The following PLCH1 variants were observed in gnomAD, a reference collection of about 807,000 sequenced individuals.
PLCH1 encodes the protein phospholipase C eta 1, also known as 1-phosphatidylinositol 4,5-bisphosphate phosphodiesterase eta-1.
Under a neutral mutation model 126.7 loss-of-function variants are expected in PLCH1, and 60 were observed. That is an observed-to-expected ratio of 0.47 (90% CI 0.38 to 0.59). The LOEUF (loss-of-function observed/expected upper bound fraction) is 0.59. Ranked by LOEUF, PLCH1 falls within the 20% of genes least tolerant of loss-of-function variation. The pLI is 0.00. For missense variants in PLCH1, 1,723 were observed against 2,040.0 expected (o/e 0.84, Z 2.99); for synonymous variants, 719 against 734.9 (o/e 0.98, Z 0.35).
chr3:155,600,319 G>A (rs1369949859), intron 2 of PLCH1, among the ~76,000 whole-genome samples: 3 of 152,084 alleles, frequency 2.0e-5, no homozygotes, highest in Non-Finnish European at 2.9e-5. Context: ...TTCCTATTCT[G>A]CCTCCAACAG....
chr3:155,704,067 G>T, intron 2 of PLCH1, 79 bp downstream of exon 2: 1 of 525,010 alleles, frequency 1.9e-6, no homozygotes, highest in Non-Finnish European at 2.9e-6. Flanking sequence ...TACCATATTT[G>T]CATCTAGAGT....
chr3:155,548,863 T>C (rs925428909), intron 10 of PLCH1, among the ~76,000 whole-genome samples: 1 of 152,212 alleles, frequency 6.6e-6, no homozygotes, highest in South Asian at 2.1e-4. Flanking sequence ...ATTCTAAGAA[T>C]GAATATGTTC....
chr3:155,715,703 C>T (rs1747451855), intron 1 of PLCH1, among the ~76,000 whole-genome samples: 1 of 151,110 alleles, frequency 6.6e-6, no homozygotes, highest in Non-Finnish European at 1.5e-5. Flanking sequence ...GCCTCAACCT[C>T]CTAGGATTAA....
chr3:155,482,117 A>G lies in PLCH1; in HGVS notation c.3909T>C (p.Ser1303=). The change falls in exon 23 of 23, where the codon TCT becomes TCC. Residue 1303 remains serine, a synonymous_variant. Transcript: ENST00000460012. ...ESNLPGSPNT[S]RGWLPKSPTK... is the part of the protein sequence containing the mutation. Reference sequence around the variant, plus strand: ...TAGGACTTTTTGGTAACCAGCCACGAGAAGTATTAGGGGATCCAGGCAGGT... The same window carrying G: ...TAGGACTTTTTGGTAACCAGCCACGGGAAGTATTAGGGGATCCAGGCAGGT... 1 of 1,614,136 alleles carries G rather than the reference A, an allele frequency of 6.2e-7. No individual in the cohort carries two copies. Among genetic ancestry groups the G allele is most frequent in the Non-Finnish European group, 8.5e-7 (1 of 1,180,024 alleles).
chr3:155,592,101 A>C (rs185793981), intron 4 of PLCH1, among the ~76,000 whole-genome samples: 5 of 151,658 alleles, frequency 3.3e-5, no homozygotes, highest in Admixed American at 3.3e-4. Flanking sequence ...GGAATGAGGC[A>C]GCAATAGTAA....
At chr3:155,676,438 T>C (rs1426808102) in intron 2 of PLCH1, 1 of 986,244 alleles carries the variant, frequency 1.0e-6, no homozygotes, top group Admixed American at 6.1e-5. Context: ...GTCTGGGAAG[T>C]GTAGGTCTTT....
chr3:155,727,741 T>C (rs1187387597), intron 1 of PLCH1, among the ~76,000 whole-genome samples: 1 of 152,146 alleles, frequency 6.6e-6, no homozygotes, highest in Non-Finnish European at 1.5e-5. Flanking sequence ...CCTGACTTCA[T>C]AGGTATTGTA....
chr3:155,494,797 C>T (rs1716789652), intron 15 of PLCH1, among the ~76,000 whole-genome samples: 1 of 152,098 alleles, frequency 6.6e-6, no homozygotes, highest in Non-Finnish European at 1.5e-5. Context: ...TTCAATCATA[C>T]CGCTAATTTA....
chr3:155,606,141 CT>C (rs907403002), intron 2 of PLCH1, among the ~76,000 whole-genome samples: 23 of 151,892 alleles, frequency 1.5e-4, no homozygotes, highest in African/African-American at 5.3e-4. Flanking sequence ...GGGCTTTATG[CT>C]TTTTTTTCTT....
intron 2 of PLCH1, among the ~76,000 whole-genome samples, chr3:155,637,304 G>C (rs1738849079): frequency 6.6e-6 from 1 of 152,198 alleles, no homozygotes; most frequent in South Asian, 2.1e-4. Context: ...AGTGCCAGAA[G>C]AGGCTAAACC....
chr3:155,483,338 G>A, intron 22 of PLCH1: 1 of 1,527,896 alleles, frequency 6.5e-7, no homozygotes. Flanking sequence ...TACTTTTACA[G>A]TGAGGATTAC....
chr3:155,473,949 G>A (rs1219939687), intron 21 of PLCH1, among the ~76,000 whole-genome samples: 2,534 of 151,406 alleles, frequency 0.017, 69 homozygotes, highest in African/African-American at 0.059. Flanking sequence ...AGACTTAAAC[G>A]TTAGACCTAA....
At position 155,648,429 on chromosome 3, in the gene PLCH1, G is replaced by A. The variant is rs185505296; in HGVS notation, c.80-52051C>T. ...ATGTTTACGAGCTTCTGGTCTTGAC[G>A]TCCTCCCTGGAAAAAAGACTCTTCC... On this transcript the variant is annotated intron_variant, in intron 2 of 22. Coordinates refer to ENST00000460012, the MANE Select transcript of PLCH1 (RefSeq NM_014996.4). Among the ~76,000 whole-genome samples the A allele has an allele frequency of 6.6e-5, 10 of 152,224 alleles. No individual in the cohort carries two copies. The South Asian group carries it at 1.5e-3, about 22-fold the overall frequency.
At chr3:155,599,701 G>T (rs1043522240) in intron 2 of PLCH1, among the ~76,000 whole-genome samples, 1 of 152,166 alleles carries the variant, frequency 6.6e-6, no homozygotes, top group African/African-American at 2.4e-5. Flanking sequence ...GACTGCCTAT[G>T]TATCTGACAC....
intron 5 of PLCH1, 30 bp from the exon 6 acceptor site, chr3:155,583,672 T>C (rs369869477): frequency 4.7e-6 from 7 of 1,492,108 alleles, no homozygotes; most frequent in African/African-American, 2.9e-5. Flanking sequence ...AATAAAGTAA[T>C]ATGAAAGTTA....
intron 17 of PLCH1, among the ~76,000 whole-genome samples, chr3:155,493,528 C>T (rs1173018242): frequency 6.6e-6 from 1 of 152,140 alleles, no homozygotes; most frequent in African/African-American, 2.4e-5. Context: ...GCTGGGACTA[C>T]AGGCACGCAC....
downstream of PLCH1, among the ~76,000 whole-genome samples, chr3:155,475,905 A>G (rs1239771668): frequency 6.6e-6 from 1 of 152,142 alleles, no homozygotes; most frequent in Non-Finnish European, 1.5e-5. Context: ...ACTTACACCA[A>G]TCCTACTCAA....
chr3:155,506,255 G>C (rs1227182019), intron 12 of PLCH1, among the ~76,000 whole-genome samples: 3 of 151,554 alleles, frequency 2.0e-5, no homozygotes, highest in African/African-American at 7.3e-5. Flanking sequence ...TACAAAGCTT[G>C]TTGGTGATAA....
At chr3:155,485,868 G>A (rs542186701) in intron 21 of PLCH1, 158 bp from the exon 22 acceptor site, 70 of 607,800 alleles carry the variant, frequency 1.2e-4, no homozygotes, top group African/African-American at 1.1e-3. Context: ...CAGCATGTTT[G>A]CACAACTTCA....
Sources: gnomAD v4.1 joint callset for allele counts (sites outside exome capture counted in the v4.1 genomes callset) on GRCh38, gnomAD v4.1.1 for gene constraint, MANE v1.5 for transcripts, NCBI Gene and HGNC (gene_info 2026-07-23, HGNC 2026-07-21) for gene names.